DNAH6: variants seen among roughly 807,000 people sequenced by gnomAD.
DNAH6 encodes axonemal beta dynein heavy chain 6.
DNAH6 carries 340 observed loss-of-function variants against 491.4 expected under a neutral mutation model. The observed-to-expected ratio is 0.69, with a 90% CI of 0.63 to 0.76. The LOEUF is 0.76. Ranked by LOEUF, DNAH6 falls within the 30% of genes least tolerant of loss-of-function variation. The pLI, the probability that DNAH6 is intolerant of heterozygous loss-of-function variation, is 0.00. For missense variants in DNAH6, 4,443 were observed against 4,972.2 expected (o/e 0.89, Z 3.20); for synonymous variants, 1,603 against 1,686.1 (o/e 0.95, Z 1.21).
At chr2:84,496,713 A>T in the DNAH6 span, among the ~76,000 whole-genome samples, 1 of 152,214 alleles carries the variant, frequency 6.6e-6, no homozygotes, top group Non-Finnish European at 1.5e-5. Context: ...TTATTGTTAT[A>T]AGTTACATAT....
upstream of DNAH6, chr2:84,516,341 G>T (rs1675590957): frequency 6.6e-6 from 1 of 152,260 alleles, no homozygotes; most frequent in African/African-American, 2.4e-5. Context: ...AACAATCAGC[G>T]AAGTAGGAAA....
chr2:84,756,005 C>T (rs1367703856), intron 63 of DNAH6, among the ~76,000 whole-genome samples: 3 of 152,322 alleles, frequency 2.0e-5, no homozygotes, highest in Non-Finnish European at 1.5e-5. Context: ...CCATGTAAGG[C>T]GTGACTTGCC....
intron 43 of DNAH6, 83 bp from the exon 44 acceptor site, chr2:84,686,400 GC>G: frequency 1.3e-6 from 1 of 770,318 alleles, no homozygotes; most frequent in Non-Finnish European, 2.2e-6. Context: ...GTAAAATGCA[GC>G]TATTATTCTA....
intron 61 of DNAH6, among the ~76,000 whole-genome samples, chr2:84,729,070 C>T (rs529941478): frequency 2.0e-5 from 3 of 152,268 alleles, no homozygotes; most frequent in East Asian, 1.9e-4. Context: ...CAAGATCTCT[C>T]CACCAGATGT....
intron 65 of DNAH6, among the ~76,000 whole-genome samples, chr2:84,782,387 C>A (rs1049137771): frequency 6.6e-6 from 1 of 152,140 alleles, no homozygotes; most frequent in East Asian, 1.9e-4. Context: ...TTCTCTGAGG[C>A]CTTTATTTGT....
chr2:84,581,207 T>C (rs959366105), intron 14 of DNAH6, among the ~76,000 whole-genome samples: 1 of 152,228 alleles, frequency 6.6e-6, no homozygotes, highest in African/African-American at 2.4e-5. Flanking sequence ...TGCTATCACC[T>C]TGTGGTTCCA....
At chr2:84,559,255 G>A (rs1485419724) in intron 11 of DNAH6, among the ~76,000 whole-genome samples, 1 of 152,060 alleles carries the variant, frequency 6.6e-6, no homozygotes, top group Non-Finnish European at 1.5e-5. Context: ...CAGGAAGGAG[G>A]CCTAAAAGTG....
intron 8 of DNAH6, 76 bp downstream of exon 8, chr2:84,548,493 G>A (rs1679013731): frequency 6.5e-7 from 1 of 1,539,598 alleles, no homozygotes. Context: ...CCCAGAAAGT[G>A]ATGACTATGT....
intron 11 of DNAH6, among the ~76,000 whole-genome samples, chr2:84,572,074 G>A (rs1294709333): frequency 6.6e-6 from 1 of 152,160 alleles, no homozygotes; most frequent in East Asian, 1.9e-4. Context: ...TCGGTAATTA[G>A]ATAGCAGTAT....
intron 31 of DNAH6, among the ~76,000 whole-genome samples, chr2:84,639,610 G>C (rs1359125228): frequency 1.3e-5 from 2 of 151,926 alleles, no homozygotes; most frequent in Non-Finnish European, 2.9e-5. Context: ...AGTAGAGATG[G>C]GGTTTCACCG....
chr2:84,476,182 C>T, the DNAH6 span, among the ~76,000 whole-genome samples: 3 of 152,178 alleles, frequency 2.0e-5, no homozygotes, highest in Non-Finnish European at 4.4e-5. Context: ...GAGAATTTGG[C>T]CCATATTGAC....
At chr2:84,805,252 A>G (rs1679311726) in intron 70 of DNAH6, among the ~76,000 whole-genome samples, 1 of 152,218 alleles carries the variant, frequency 6.6e-6, no homozygotes, top group South Asian at 2.1e-4. Flanking sequence ...CAGAAAATAA[A>G]ATTTCCTTAA....
intron 18 of DNAH6, among the ~76,000 whole-genome samples, chr2:84,601,036 A>G (rs1685178381): frequency 6.8e-6 from 1 of 147,472 alleles, no homozygotes; most frequent in African/African-American, 2.5e-5. Flanking sequence ...TGTTATTATT[A>G]TACTATAATA....
Position 84,627,411 on chromosome 2 carries a change from A to G in DNAH6, c.4515+2348A>G, listed in dbSNP as rs200445541. On this transcript the variant is annotated intron_variant, in intron 29 of 76. Transcript: ENST00000389394. ...TACTGAGTCATCATACTTGATTGAT[A>G]ATTTGTAGAGGGTGGAATTATAGGT... 2.6e-5 allele frequency among the ~76,000 whole-genome samples: 4 copies of G among 152,242 alleles called. No individual in the cohort carries two copies. The East Asian group carries it at 7.7e-4, about 29-fold the overall frequency.
In DNAH6 at chr2:84,544,271, A is replaced by AT; in HGVS notation, c.702dup (p.Thr235TyrfsTer3). 2 of 1,509,032 alleles carry AT rather than the reference A, an allele frequency of 1.3e-6. No homozygotes were observed. Among genetic ancestry groups the AT allele is most frequent in the Non-Finnish European group, 1.8e-6 (2 of 1,109,032 alleles). 93.5% of individuals were successfully genotyped at this position (1,509,032 alleles called of 1,614,324 possible). ...GAGAACATCAATAAAAATGACTACT[A>AT]TACTATTAGCCAAAGGGCAGTAACA... On this transcript the variant is annotated frameshift_variant, in exon 5 of 77. Coordinates refer to ENST00000389394, the MANE Select transcript of DNAH6 (RefSeq NM_001370.2). LOFTEE classifies it high-confidence loss of function.
chr2:84,785,519 T>C, intron 66 of DNAH6, 91 bp from the exon 67 acceptor site: 1 of 1,288,308 alleles, frequency 7.8e-7, no homozygotes, highest in Non-Finnish European at 1.0e-6. Context: ...ATCTACATCA[T>C]TTCAATGGCT....
At position 84,727,841 on chromosome 2, in the gene DNAH6, A is replaced by G. The variant is rs1433268803; in HGVS notation, c.10145A>G (p.Gln3382Arg). 1 of 1,552,212 alleles carries G rather than the reference A, an allele frequency of 6.4e-7. No individual in the cohort carries two copies. The highest frequency in any genetic ancestry group is 8.7e-7 in the Non-Finnish European group (1 of 1,147,088). Residue 3382 changes from glutamine (Q) to arginine (R), a missense_variant, in exon 61 of 77, where the codon CAA becomes CGA. By Grantham distance (43) the Gln-to-Arg change is conservative (BLOSUM62 1). This residue lies in a region of DNAH6 where 1,463 missense variants were observed against 1,656.6 expected (regional missense o/e 0.88). Transcript: ENST00000389394. ...CTTTGTGTTGAGATGATGCGTCAGC[A>G]AGGAACCCTATCTGATGCTGAATGG... ...FMLCVEMMRQ[Q>R]GTLSDAEWNF... is the part of the protein sequence containing the mutation.
chr2:84,521,095 A>G (rs950633094), intron 2 of DNAH6, among the ~76,000 whole-genome samples: 1 of 151,912 alleles, frequency 6.6e-6, no homozygotes, highest in African/African-American at 2.4e-5. Context: ...TAATGGTGGC[A>G]TAGTATCTGA....
chr2:84,526,789 G>A (rs1402049354), intron 3 of DNAH6, among the ~76,000 whole-genome samples: 1 of 152,060 alleles, frequency 6.6e-6, no homozygotes, highest in Non-Finnish European at 1.5e-5. Flanking sequence ...GAGCCAGAGG[G>A]AGCTCTTTCT....
Sources: allele counts gnomAD v4.1 joint callset (sites outside exome capture counted in the v4.1 genomes callset), GRCh38; gene constraint gnomAD v4.1.1; regional missense constraint gnomAD v4.1.1; transcripts MANE v1.5; gene names NCBI Gene and HGNC (gene_info 2026-07-23, HGNC 2026-07-21).